The following SLIT3 variants were observed in gnomAD, a reference collection of about 807,000 sequenced individuals.
SLIT3 encodes slit homolog 3 protein.
Under a neutral mutation model 184.0 loss-of-function variants are expected in SLIT3, and 68 were observed. That is an observed-to-expected ratio of 0.37 (90% CI 0.30 to 0.45). The LOEUF is 0.45. Among genes scored for constraint, SLIT3 ranks in the 20% least tolerant of loss-of-function variants. The pLI, the probability that SLIT3 is intolerant of heterozygous loss-of-function variation, is 1.00. For synonymous variants in SLIT3, 831 were observed against 828.6 expected (o/e 1.00, Z -0.05); for missense variants, 1,707 against 2,026.0 (o/e 0.84, Z 3.02).
intron 4 of SLIT3, among the ~76,000 whole-genome samples, chr5:169,126,075 G>T (rs973415065): frequency 4.6e-5 from 7 of 152,168 alleles, no homozygotes; most frequent in Non-Finnish European, 8.8e-5. Flanking sequence ...TGGAATTATT[G>T]CAAGAGATGC....
intron 3 of SLIT3, among the ~76,000 whole-genome samples, chr5:169,223,192 G>A (rs978902): frequency 0.15 from 22,956 of 152,086 alleles, 2,028 homozygotes; most frequent in East Asian, 0.44. Flanking sequence ...ACCATGTGCC[G>A]GGATGAGAAA....
chr5:168,833,230 G>A (rs575863602), intron 6 of SLIT3, among the ~76,000 whole-genome samples: 4 of 152,288 alleles, frequency 2.6e-5, no homozygotes, highest in East Asian at 3.9e-4. Context: ...GTGGACAGTC[G>A]AAACTGAGCC....
intron 4 of SLIT3, among the ~76,000 whole-genome samples, chr5:168,918,058 T>C (rs776156340): frequency 7.7e-4 from 117 of 152,342 alleles, no homozygotes; most frequent in Non-Finnish European, 1.5e-3. Context: ...CAGTTAGCCC[T>C]GAAGAGTTAA....
chr5:168,712,173 A>G, intron 24 of SLIT3, 110 bp downstream of exon 24: 4 of 875,964 alleles, frequency 4.6e-6, no homozygotes, highest in Non-Finnish European at 7.8e-6. Context: ...AATATACTGT[A>G]TGCATAAGGA....
At chr5:169,275,355 T>C (rs1442767692) in intron 1 of SLIT3, among the ~76,000 whole-genome samples, 3 of 152,204 alleles carry the variant, frequency 2.0e-5, no homozygotes, top group Non-Finnish European at 4.4e-5. Flanking sequence ...CCATAGCCTT[T>C]CTACTGCTGT....
rs1425196287 is a variant in SLIT3, at chr5:169,168,421, C to CT, written c.413+25057dup. On this transcript the variant is annotated intron_variant, in intron 4 of 35. Coordinates refer to ENST00000519560, the MANE Select transcript of SLIT3 (RefSeq NM_003062.4). ...AATCTGGCTTTAAGTTCTCCCCTGCCTTGAAGCCTTTCTGACAGGGGAAAA... is the reference window on the plus strand; with the variant it reads ...AATCTGGCTTTAAGTTCTCCCCTGCCTTTGAAGCCTTTCTGACAGGGGAAAA... Among the ~76,000 whole-genome samples the CT allele has an allele frequency of 2.6e-5, 4 of 152,310 alleles. No individual in the cohort carries two copies. The South Asian group carries it at 8.3e-4, about 32-fold the overall frequency.
intron 1 of SLIT3, among the ~76,000 whole-genome samples, chr5:169,295,849 A>G (rs1448774256): frequency 2.6e-5 from 4 of 152,256 alleles, no homozygotes; most frequent in African/African-American, 9.6e-5. Flanking sequence ...ATCAATTAAT[A>G]CAAGAAGAGC....
chr5:169,156,231 A>T (rs1191615441), intron 4 of SLIT3, among the ~76,000 whole-genome samples: 1 of 152,194 alleles, frequency 6.6e-6, no homozygotes, highest in Non-Finnish European at 1.5e-5. Flanking sequence ...CCTTCTGACA[A>T]AGAGTGAGAA....
At chr5:169,294,909 C>A (rs1767456159) in intron 1 of SLIT3, among the ~76,000 whole-genome samples, 1 of 152,112 alleles carries the variant, frequency 6.6e-6, no homozygotes, top group East Asian at 1.9e-4. Flanking sequence ...CATACCTATA[C>A]ATAGAAAAGG....
chr5:169,195,923 G>A lies in SLIT3; in HGVS notation c.342-2373C>T, dbSNP rs544107734. On this transcript the variant is annotated intron_variant, in intron 3 of 35. Transcript: ENST00000519560. ...TTATCTTCTTAGCAATAAAAAAACTGTACACTAAAAGTGTAGTTAGTTCAG... is the reference window on the plus strand; with the variant it reads ...TTATCTTCTTAGCAATAAAAAAACTATACACTAAAAGTGTAGTTAGTTCAG... 4.6e-5 allele frequency among the ~76,000 whole-genome samples: 7 copies of A among 152,292 alleles called. No individual in the cohort carries two copies. The South Asian group carries it at 1.2e-3, about 27-fold the overall frequency.
intron 4 of SLIT3, among the ~76,000 whole-genome samples, chr5:169,049,782 C>A (rs17070766): frequency 0.014 from 2,064 of 152,258 alleles, 46 homozygotes; most frequent in African/African-American, 0.048. Flanking sequence ...TAGACAGAAA[C>A]CTAAACTCTA....
At chr5:169,175,852 G>C (rs1472145701) in intron 4 of SLIT3, among the ~76,000 whole-genome samples, 2 of 152,174 alleles carry the variant, frequency 1.3e-5, no homozygotes, top group African/African-American at 4.8e-5. Context: ...AGCTGCTCCT[G>C]CAGGGTGAGA....
At chr5:169,142,112 TAAATAAATA>T (rs1219464892) in intron 4 of SLIT3, among the ~76,000 whole-genome samples, 1 of 132,226 alleles carries the variant, frequency 7.6e-6, no homozygotes, top group East Asian at 2.2e-4. Context: ...AATAAATAAA[TAAATAAATA>T]AAGTCAGGTC....
chr5:169,128,422 A>G (rs749281895), intron 4 of SLIT3, among the ~76,000 whole-genome samples: 52 of 151,912 alleles, frequency 3.4e-4, no homozygotes, highest in African/African-American at 1.2e-3. Context: ...GTAATGCTAT[A>G]TATCTTTATT....
Position 168,854,065 on chromosome 5 carries a change from T to C in SLIT3, c.486-9410A>G, listed in dbSNP as rs79127758. ...AAACCGAGGTTCAGAGAGGTTGTTA[T>C]GTAGCATCAAAAAAGGAGCTCGGCT... On this transcript the variant is annotated intron_variant, in intron 5 of 35. Coordinates refer to ENST00000519560, the MANE Select transcript of SLIT3 (RefSeq NM_003062.4). Among the ~76,000 whole-genome samples, 1,100 of 152,236 alleles carry C rather than the reference T, an allele frequency of 7.2e-3. 11 individuals carry two copies. The highest frequency in any genetic ancestry group is 0.025 in the African/African-American group (1,021 of 41,536).
intron 4 of SLIT3, among the ~76,000 whole-genome samples, chr5:169,123,155 A>G (rs1014424137): frequency 1.3e-5 from 2 of 152,226 alleles, no homozygotes; most frequent in African/African-American, 4.8e-5. Context: ...ATGTCTGAAC[A>G]GGATCTAGTT....
At chr5:169,045,365 A>C (rs1019281188) in intron 4 of SLIT3, among the ~76,000 whole-genome samples, 3 of 151,838 alleles carry the variant, frequency 2.0e-5, no homozygotes, top group African/African-American at 7.3e-5. Flanking sequence ...GCTTCAACAG[A>C]CAGCAAAAAA....
chr5:169,069,285 G>A (rs1044184221), intron 4 of SLIT3, among the ~76,000 whole-genome samples: 2 of 152,202 alleles, frequency 1.3e-5, no homozygotes, highest in Admixed American at 1.3e-4. Flanking sequence ...CACCTTCCAG[G>A]TGCTCCCATT....
intron 20 of SLIT3, among the ~76,000 whole-genome samples, chr5:168,743,227 A>G (rs7723995): frequency 0.26 from 39,104 of 151,930 alleles, 5,408 homozygotes; most frequent in African/African-American, 0.34. Flanking sequence ...GCTTTATTGC[A>G]CTTTGTAGAT....
Sources: allele counts gnomAD v4.1 joint callset (sites outside exome capture counted in the v4.1 genomes callset), GRCh38; gene constraint gnomAD v4.1.1; transcripts MANE v1.5; gene names NCBI Gene and HGNC (gene_info 2026-07-23, HGNC 2026-07-21).